The following CACNA2D3 variants were observed in gnomAD, a reference collection of about 807,000 sequenced individuals.
The protein encoded by CACNA2D3 is calcium voltage-gated channel auxiliary subunit alpha2delta 3.
Under a neutral mutation model 160.6 loss-of-function variants are expected in CACNA2D3, and 60 were observed. That is an observed-to-expected ratio of 0.37 (90% CI 0.30 to 0.46). The LOEUF is 0.46. Among genes scored for constraint, CACNA2D3 ranks in the 20% least tolerant of loss-of-function variants. The pLI, the probability that CACNA2D3 is intolerant of heterozygous loss-of-function variation, is 1.00. For missense variants in CACNA2D3, 1,205 were observed against 1,365.0 expected, an observed-to-expected ratio of 0.88 and a Z score of 1.85; for synonymous variants, 558 against 492.9, an observed-to-expected ratio of 1.13 and a Z score of -1.75.
chr3:54,149,918 T>TCC (rs1700109415), intron 2 of CACNA2D3, among the ~76,000 whole-genome samples: 4 of 87,986 alleles, frequency 4.5e-5, no homozygotes, highest in African/African-American at 1.5e-4. Flanking sequence ...TCTCTCTCTC[T>TCC]CTCTCTCTCT....
intron 2 of CACNA2D3, among the ~76,000 whole-genome samples, chr3:54,133,351 C>T (rs1699754392): frequency 6.6e-6 from 1 of 152,162 alleles, no homozygotes; most frequent in Non-Finnish European, 1.5e-5. Context: ...CTACATGGCT[C>T]CACGTGGCAA....
chr3:54,944,929 G>A (rs1320146451), intron 27 of CACNA2D3, among the ~76,000 whole-genome samples: 3 of 151,958 alleles, frequency 2.0e-5, no homozygotes, highest in East Asian at 3.9e-4. Flanking sequence ...AATATCTGTA[G>A]CCTAGTTCAC....
At chr3:54,628,606 A>G (rs530541837) in intron 10 of CACNA2D3, among the ~76,000 whole-genome samples, 1 of 151,902 alleles carries the variant, frequency 6.6e-6, no homozygotes, top group African/African-American at 2.4e-5. Context: ...TTATCTGGGT[A>G]AGATAATGGT....
chr3:55,013,985 C>T (rs17256411), intron 34 of CACNA2D3, among the ~76,000 whole-genome samples: 22,077 of 152,050 alleles, frequency 0.15, 1,731 homozygotes, highest in Admixed American at 0.21. Flanking sequence ...ATGGTGACAT[C>T]GGTGTAACTG....
intron 3 of CACNA2D3, among the ~76,000 whole-genome samples, chr3:54,368,544 CAGAG>C (rs71972695): frequency 0.032 from 4,918 of 151,980 alleles, 118 homozygotes; most frequent in Middle Eastern, 0.061. Flanking sequence ...AGAACAGAGA[CAGAG>C]AGGGAGAGAA....
At chr3:54,891,544 T>G in intron 25 of CACNA2D3, 94 bp downstream of exon 25, 1 of 1,015,096 alleles carries the variant, frequency 9.9e-7, no homozygotes, top group Non-Finnish European at 1.5e-6. Context: ...CCACTACTGG[T>G]AGAAACATAA....
At chr3:54,313,764 G>A (rs551786458) in intron 2 of CACNA2D3, among the ~76,000 whole-genome samples, 25 of 127,906 alleles carry the variant, frequency 2.0e-4, no homozygotes, top group Admixed American at 4.0e-4. Context: ...CAGCCTTGTC[G>A]TCCTCAAAGG....
chr3:54,408,044 C>G (rs1412148890), intron 4 of CACNA2D3, among the ~76,000 whole-genome samples: 1 of 152,130 alleles, frequency 6.6e-6, no homozygotes, highest in Non-Finnish European at 1.5e-5. Flanking sequence ...CAGAGAGATG[C>G]TGTCTTTCTT....
chr3:54,736,124 TATATATGTATATATATACACACAC>T (rs1701523527), intron 11 of CACNA2D3, among the ~76,000 whole-genome samples: 2 of 88,124 alleles, frequency 2.3e-5, no homozygotes, highest in African/African-American at 4.7e-5. Flanking sequence ...TATATACATA[TATATATGTATATATATACACACAC>T]ACACACACAC....
At chr3:54,565,421 G>A (rs9853660) in intron 6 of CACNA2D3, among the ~76,000 whole-genome samples, 14,045 of 152,146 alleles carry the variant, frequency 0.092, 2,191 homozygotes, top group African/African-American at 0.32. Flanking sequence ...AAGCCTTGGC[G>A]TGATGATGAT....
intron 4 of CACNA2D3, among the ~76,000 whole-genome samples, chr3:54,457,867 A>C (rs1020854602): frequency 6.6e-6 from 1 of 152,022 alleles, no homozygotes; most frequent in Non-Finnish European, 1.5e-5. Flanking sequence ...CCTTTGACTT[A>C]AAGGTCTTTT....
At chr3:54,370,691 G>A (rs1238328394) in intron 3 of CACNA2D3, among the ~76,000 whole-genome samples, 3 of 151,720 alleles carry the variant, frequency 2.0e-5, no homozygotes, top group Admixed American at 6.6e-5. Flanking sequence ...CACTTTTTTG[G>A]TAACAGTTTT....
chr3:54,518,401 G>A (rs1701589906), intron 5 of CACNA2D3, among the ~76,000 whole-genome samples: 1 of 152,166 alleles, frequency 6.6e-6, no homozygotes, highest in Non-Finnish European at 1.5e-5. Context: ...GAAAGCAAGA[G>A]CAAGCACCTG....
intron 11 of CACNA2D3, among the ~76,000 whole-genome samples, chr3:54,661,818 T>G (rs185002764): frequency 6.6e-6 from 1 of 150,718 alleles, no homozygotes; most frequent in Admixed American, 6.6e-5. Context: ...AGCCCTATGG[T>G]TCACACAGAC....
At chr3:54,163,249 C>T (rs13093958) in intron 2 of CACNA2D3, among the ~76,000 whole-genome samples, 9,135 of 152,282 alleles carry the variant, frequency 0.06, 399 homozygotes, top group South Asian at 0.17. Flanking sequence ...ATCTCAGTGT[C>T]CTACAACAGC....
chr3:54,777,551 A>G (rs1335707203), intron 13 of CACNA2D3, among the ~76,000 whole-genome samples: 1 of 152,220 alleles, frequency 6.6e-6, no homozygotes, highest in Admixed American at 6.5e-5. Context: ...TGTTTAATCT[A>G]AAAATCTGGA....
chr3:54,661,590 CAGAG>C, intron 11 of CACNA2D3, among the ~76,000 whole-genome samples: 1 of 152,126 alleles, frequency 6.6e-6, no homozygotes, highest in Middle Eastern at 3.4e-3. Flanking sequence ...TAAAAAAATC[CAGAG>C]AGAGTCATCT....
chr3:54,971,009 G>T (rs1014259489), intron 29 of CACNA2D3, among the ~76,000 whole-genome samples: 1 of 151,920 alleles, frequency 6.6e-6, no homozygotes, highest in Admixed American at 6.6e-5. Context: ...AACAAGTAAG[G>T]AAATATAAAA....
intron 14 of CACNA2D3, among the ~76,000 whole-genome samples, chr3:54,832,255 C>T (rs964760815): frequency 5.9e-5 from 9 of 152,096 alleles, no homozygotes; most frequent in African/African-American, 2.2e-4. Flanking sequence ...ATAAACTTAC[C>T]AGTGCAGCTC....
Sources: allele counts gnomAD v4.1 joint callset (sites outside exome capture counted in the v4.1 genomes callset), GRCh38; gene constraint gnomAD v4.1.1; transcripts MANE v1.5; gene names NCBI Gene and HGNC (gene_info 2026-07-23, HGNC 2026-07-21).